Variants in IPMK observed in about 807,000 individuals in gnomAD.
IPMK encodes inositol polyphosphate multikinase.
In IPMK, 17 loss-of-function variants were observed where a neutral mutation model predicts 45.8. That is an observed-to-expected ratio of 0.37 (90% CI 0.25 to 0.56). The LOEUF (loss-of-function observed/expected upper bound fraction) is 0.56. IPMK is among the 20% of genes least tolerant of loss of function. IPMK has a pLI of 0.79. For synonymous variants in IPMK, 180 were observed against 184.3 expected (o/e 0.98, Z 0.19); for missense variants, 399 against 498.0 (o/e 0.80, Z 1.89).
chr10:58,259,239 C>T (rs926193873), intron 1 of IPMK, among the ~76,000 whole-genome samples: 7 of 151,980 alleles, frequency 4.6e-5, no homozygotes, highest in South Asian at 2.1e-4. Flanking sequence ...TGAAGAAAAA[C>T]GGCTCATTTC....
At chr10:58,240,593 G>A (rs1457171557) in intron 1 of IPMK, among the ~76,000 whole-genome samples, 2 of 146,048 alleles carry the variant, frequency 1.4e-5, no homozygotes, top group African/African-American at 5.1e-5. Flanking sequence ...AACTTTTCAC[G>A]AAACCATCAA....
At chr10:58,262,847 A>G (rs1433303928) in intron 1 of IPMK, among the ~76,000 whole-genome samples, 1 of 152,258 alleles carries the variant, frequency 6.6e-6, no homozygotes, top group African/African-American at 2.4e-5. Flanking sequence ...CTGATTATAA[A>G]TAAGGACATA....
chr10:58,237,515 TA>T (rs1400943590), intron 2 of IPMK, among the ~76,000 whole-genome samples: 3 of 152,260 alleles, frequency 2.0e-5, no homozygotes, highest in Admixed American at 1.3e-4. Context: ...GTATCTACCA[TA>T]AACACAGAAG....
chr10:58,199,790 A>T (rs2132142705), intron 4 of IPMK, among the ~76,000 whole-genome samples: 1 of 152,276 alleles, frequency 6.6e-6, no homozygotes, highest in Non-Finnish European at 1.5e-5. Flanking sequence ...CTCTGAAGAT[A>T]ATAGTTGTAC....
chr10:58,218,456 C>G (rs971408852), intron 3 of IPMK, among the ~76,000 whole-genome samples: 1 of 152,200 alleles, frequency 6.6e-6, no homozygotes, highest in Non-Finnish European at 1.5e-5. Flanking sequence ...AAAACAGATC[C>G]AGCCCCACTC....
At chr10:58,231,218 C>T (rs866306047) in intron 2 of IPMK, among the ~76,000 whole-genome samples, 9 of 152,140 alleles carry the variant, frequency 5.9e-5, no homozygotes, top group African/African-American at 1.9e-4. Context: ...TACCTGGAAG[C>T]GATGGGGAGA....
At chr10:58,212,459 C>T (rs1041351796) in intron 4 of IPMK, 3 of 172,580 alleles carry the variant, frequency 1.7e-5, no homozygotes, top group African/African-American at 2.4e-5. Flanking sequence ...GTCTTAAGAC[C>T]TGGTGTTGTA....
At chr10:58,264,977 C>T (rs1419537265) in intron 1 of IPMK, among the ~76,000 whole-genome samples, 1 of 152,088 alleles carries the variant, frequency 6.6e-6, no homozygotes, top group East Asian at 1.9e-4. Flanking sequence ...GGGGGAAGGG[C>T]ACTACTTAAA....
intron 4 of IPMK, among the ~76,000 whole-genome samples, chr10:58,215,857 C>G (rs1402114902): frequency 4.6e-5 from 7 of 152,084 alleles, no homozygotes; most frequent in Non-Finnish European, 1.0e-4. Context: ...TTTAAGACTT[C>G]TTTAAAACAA....
At chr10:58,216,916 T>A (rs532224589) in intron 3 of IPMK, among the ~76,000 whole-genome samples, 1 of 152,300 alleles carries the variant, frequency 6.6e-6, no homozygotes, top group East Asian at 1.9e-4. Context: ...CAGTGGCCAA[T>A]CTTGGCTCAG....
intron 2 of IPMK, among the ~76,000 whole-genome samples, chr10:58,233,627 A>C (rs1358756808): frequency 1.3e-5 from 2 of 152,198 alleles, no homozygotes; most frequent in African/African-American, 4.8e-5. Flanking sequence ...ACAGCCCTTC[A>C]TTAAAAAAAC....
intron 3 of IPMK, among the ~76,000 whole-genome samples, chr10:58,224,725 C>T (rs1371183042): frequency 6.6e-6 from 1 of 152,086 alleles, no homozygotes; most frequent in Non-Finnish European, 1.5e-5. Context: ...TAAAACTCTA[C>T]CCTGGACACA....
intron 1 of IPMK, among the ~76,000 whole-genome samples, chr10:58,258,324 A>AC (rs1839004698): frequency 6.6e-6 from 1 of 151,492 alleles, no homozygotes; most frequent in Non-Finnish European, 1.5e-5. Flanking sequence ...AAACAAACAA[A>AC]AAATAGAATA....
intron 1 of IPMK, among the ~76,000 whole-genome samples, chr10:58,240,280 CAG>C (rs1838677443): frequency 6.6e-6 from 1 of 151,344 alleles, no homozygotes; most frequent in Admixed American, 6.6e-5. Context: ...ATTTAATCAA[CAG>C]ATAAACAATC....
At chr10:58,252,435 T>G in intron 1 of IPMK, among the ~76,000 whole-genome samples, 1 of 114,278 alleles carries the variant, frequency 8.8e-6, no homozygotes, top group South Asian at 2.5e-4. Flanking sequence ...TGAATTTGAC[T>G]GTTTTTTTTT....
At position 58,199,265 on chromosome 10, in the gene IPMK, G is replaced by A; in HGVS notation, c.603C>T (p.Ser201=). ...CATCCTTTATAGTTTCTTTTGTTAAGCTTCTTCCGTAATGCTGGTTTTCTG... is the reference window on the plus strand; with the variant it reads ...CATCCTTTATAGTTTCTTTTGTTAAACTTCTTCCGTAATGCTGGTTTTCTG... ...YETENQHYGR[S]LTKETIKDGV... is the part of the protein sequence containing the mutation. Residue 201 remains serine, a synonymous_variant, in exon 5 of 6, where the codon AGC becomes AGT. Transcript: ENST00000373935. 6.2e-7 allele frequency: 1 copy of A among 1,607,500 alleles called. No homozygotes were observed. The highest frequency in any genetic ancestry group is 8.5e-7 in the Non-Finnish European group (1 of 1,176,392).
At chr10:58,233,466 TA>T (rs1273554547) in intron 2 of IPMK, among the ~76,000 whole-genome samples, 1 of 152,146 alleles carries the variant, frequency 6.6e-6, no homozygotes, top group Non-Finnish European at 1.5e-5. Flanking sequence ...TCAAAAAGCT[TA>T]TCCACCATGA....
chr10:58,204,048 T>G (rs1000350642), intron 4 of IPMK, among the ~76,000 whole-genome samples: 3 of 141,294 alleles, frequency 2.1e-5, no homozygotes, highest in African/African-American at 8.9e-5. Context: ...TTAATTAAAG[T>G]ATACACACTG....
At chr10:58,266,880 C>A (rs754759403) in intron 1 of IPMK, among the ~76,000 whole-genome samples, 25 of 152,130 alleles carry the variant, frequency 1.6e-4, no homozygotes, top group Non-Finnish European at 2.8e-4. Flanking sequence ...ACCAGAAAAA[C>A]CTCCTCAAGG....
Sources: gnomAD v4.1 joint callset for allele counts (sites outside exome capture counted in the v4.1 genomes callset) on GRCh38, gnomAD v4.1.1 for gene constraint, MANE v1.5 for transcripts, NCBI Gene and HGNC (gene_info 2026-07-23, HGNC 2026-07-21) for gene names.